Variants in GLI2 observed in about 807,000 individuals in gnomAD.
GLI2 encodes the protein transcription activator GLI2.
A neutral mutation model predicts 78.9 loss-of-function variants in GLI2; 22 were observed. That is an observed-to-expected ratio of 0.28 (90% CI 0.20 to 0.40). The LOEUF is 0.40. GLI2 is among the 10% of genes least tolerant of loss of function. The pLI, the probability that GLI2 is intolerant of heterozygous loss-of-function variation, is 1.00. For missense variants in GLI2, 2,097 were observed against 2,213.2 expected (o/e 0.95, Z 1.05); for synonymous variants, 974 against 963.7 (o/e 1.01, Z -0.20).
In GLI2 at chr2:120,984,726, A is replaced by G; in HGVS notation, c.1888A>G (p.Lys630Glu). ...GGACTGCCTGCACGTCAGAGCCATC[A>G]AGACCGAGAGCTCCGGGGTAAGCGG... ...VEDCLHVRAI[K>E]TESSGLCQSS... Residue 630 changes from lysine to glutamate, a missense_variant, in exon 12 of 14, where the codon AAG becomes GAG. Coordinates refer to ENST00000361492, the MANE Select transcript of GLI2 (RefSeq NM_001374353.1). The G allele has an allele frequency of 1.2e-6, 2 of 1,612,964 alleles. No individual in the cohort carries two copies. Among genetic ancestry groups the G allele is most frequent in the Non-Finnish European group, 1.7e-6 (2 of 1,179,870 alleles).
chr2:120,815,625 T>G (rs955523825), intron 2 of GLI2, among the ~76,000 whole-genome samples: 3 of 152,224 alleles, frequency 2.0e-5, no homozygotes, highest in Non-Finnish European at 4.4e-5. Flanking sequence ...CGGTGCTCCC[T>G]GCTTCCAGAG....
intron 2 of GLI2, among the ~76,000 whole-genome samples, chr2:120,887,787 C>T (rs1677484622): frequency 6.6e-6 from 1 of 152,228 alleles, no homozygotes; most frequent in African/African-American, 2.4e-5. Flanking sequence ...GACTGCTCAG[C>T]ACACTCTTAA....
At chr2:120,969,935 GT>G (rs1212868726) in intron 6 of GLI2, among the ~76,000 whole-genome samples, 1 of 152,222 alleles carries the variant, frequency 6.6e-6, no homozygotes, top group African/African-American at 2.4e-5. Flanking sequence ...TCTTATGCAA[GT>G]GGTGTGACAG....
chr2:120,988,864 G>C lies in GLI2; in HGVS notation c.2899G>C (p.Val967Leu). The change falls in exon 14 of 14, where the codon GTG becomes CTG. Residue 967 changes from valine to leucine, a missense_variant. Physicochemically the swap from Val to Leu is conservative, Grantham distance 32 (BLOSUM62 1). This residue lies in a region of GLI2 where 1,290 missense variants were observed against 1,261.7 expected (regional missense o/e 1.02). Coordinates refer to ENST00000361492, the MANE Select transcript of GLI2 (RefSeq NM_001374353.1). The stretch of plus-strand genomic sequence containing the variant: ...GCCCGATGCCCTGTCCCTGCCGCGG[G>C]TGCAGCGCTTCCACAGCACCCACAA... The part of the protein sequence containing the change: ...RRPDALSLPR[V>L]QRFHSTHNVN... 6.7e-7 allele frequency: 1 copy of C among 1,497,084 alleles called. No individual in the cohort carries two copies. Among genetic ancestry groups the C allele is most frequent in the East Asian group, 2.7e-5 (1 of 36,616 alleles). 92.7% of individuals were successfully genotyped at this position (1,497,084 alleles called of 1,614,324 possible). A position where few individuals can be genotyped will look rare whatever the true frequency, so the allele number is the denominator to read the frequency against.
intron 2 of GLI2, among the ~76,000 whole-genome samples, chr2:120,884,753 C>G (rs187311995): frequency 6.6e-6 from 1 of 152,172 alleles, no homozygotes; most frequent in Non-Finnish European, 1.5e-5. Flanking sequence ...GTGGGCAGCA[C>G]GGAGCCAGCA....
intron 2 of GLI2, among the ~76,000 whole-genome samples, chr2:120,921,309 G>A (rs966184209): frequency 2.0e-5 from 3 of 152,108 alleles, no homozygotes; most frequent in Non-Finnish European, 2.9e-5. Flanking sequence ...TGGGCTCAGA[G>A]GATTGGGGCT....
intron 1 of GLI2, 80 bp from the exon 2 acceptor site, chr2:120,797,211 G>A: frequency 9.8e-7 from 1 of 1,024,826 alleles, no homozygotes; most frequent in East Asian, 2.4e-5. Flanking sequence ...TTAGGAGCGA[G>A]CGGCGGTGTG....
In GLI2 at chr2:120,984,716, C is replaced by G; in HGVS notation, c.1878C>G (p.Val626=). The change falls in exon 12 of 14, where the codon GTC becomes GTG. Residue 626 remains valine, a synonymous_variant. Transcript: ENST00000361492. ...AGGCCGTGGAGGACTGCCTGCACGT[C>G]AGAGCCATCAAGACCGAGAGCTCCG... is the stretch of plus-strand genomic sequence containing the variant. ...TSQAVEDCLH[V]RAIKTESSGL... The G allele has an allele frequency of 6.2e-7, 1 of 1,613,276 alleles. No individual in the cohort carries two copies. The highest frequency in any genetic ancestry group is 8.5e-7 in the Non-Finnish European group (1 of 1,179,916).
At chr2:120,770,924 C>T (rs767417817) in intron 1 of GLI2, among the ~76,000 whole-genome samples, 2 of 152,198 alleles carry the variant, frequency 1.3e-5, no homozygotes, top group Non-Finnish European at 2.9e-5. Flanking sequence ...TCCCACCTGC[C>T]GAGCCTGAGT....
chr2:120,940,494 C>T (rs1680401310), intron 3 of GLI2, among the ~76,000 whole-genome samples: 1 of 152,158 alleles, frequency 6.6e-6, no homozygotes, highest in African/African-American at 2.4e-5. Context: ...TCAGATGCCA[C>T]CTCCTGCAGG....
intron 3 of GLI2, among the ~76,000 whole-genome samples, chr2:120,933,655 C>T (rs964508958): frequency 7.9e-5 from 12 of 152,152 alleles, no homozygotes; most frequent in South Asian, 2.1e-4. Context: ...TGAGGTGTGG[C>T]GAGGAAGGGT....
chr2:120,797,563 G>A (rs1055784250), intron 2 of GLI2, 95 bp downstream of exon 2: 4 of 1,240,926 alleles, frequency 3.2e-6, no homozygotes, highest in Admixed American at 3.7e-5. Context: ...CGTCAGGGAG[G>A]CATGCTGGGT....
At chr2:120,851,292 A>C (rs1297581878) in intron 2 of GLI2, among the ~76,000 whole-genome samples, 1 of 152,248 alleles carries the variant, frequency 6.6e-6, no homozygotes, top group African/African-American at 2.4e-5. Flanking sequence ...AAGGGAGGTC[A>C]TGATGGCTAG....
In GLI2 at chr2:120,989,486, T is replaced by A; in HGVS notation, c.3521T>A (p.Leu1174Gln). The A allele has an allele frequency of 6.2e-7, 1 of 1,612,634 alleles. No individual in the cohort carries two copies. Among genetic ancestry groups the A allele is most frequent in the Admixed American group, 1.7e-5 (1 of 60,006 alleles). The stretch of plus-strand genomic sequence containing the variant: ...TACCCGGGCTACAGTCCGCAAGGCC[T>A]ACAGGCTAGCCCTGGGGGCCTGGAC... Reference protein sequence around the residue: ...GQYPGYSPQGLQASPGGLDST... With the variant: ...GQYPGYSPQGQQASPGGLDST... Residue 1174 changes from leucine to glutamine, a missense_variant, in exon 14 of 14, where the codon CTA (leucine) becomes CAA (glutamine). Coordinates refer to ENST00000361492, the MANE Select transcript of GLI2 (RefSeq NM_001374353.1).
At chr2:120,842,593 A>T (rs1686939464) in intron 2 of GLI2, among the ~76,000 whole-genome samples, 1 of 152,212 alleles carries the variant, frequency 6.6e-6, no homozygotes, top group African/African-American at 2.4e-5. Context: ...GGGATGCAGG[A>T]TGTAGCTTAC....
At chr2:120,795,333 C>T (rs1235140650) in intron 1 of GLI2, among the ~76,000 whole-genome samples, 1 of 151,950 alleles carries the variant, frequency 6.6e-6, no homozygotes, top group Non-Finnish European at 1.5e-5. Flanking sequence ...ACCAGCCTGG[C>T]CAACATAGTG....
chr2:120,876,272 A>C (rs977946438), intron 2 of GLI2, among the ~76,000 whole-genome samples: 8 of 152,154 alleles, frequency 5.3e-5, no homozygotes, highest in Non-Finnish European at 8.8e-5. Flanking sequence ...AACCCAGGCC[A>C]CGGAGCTTGC....
intron 1 of GLI2, among the ~76,000 whole-genome samples, chr2:120,776,566 G>A (rs1251196280): frequency 6.6e-6 from 1 of 152,160 alleles, no homozygotes; most frequent in East Asian, 1.9e-4. Context: ...TTGGTTGGGG[G>A]CATCACAGTG....
chr2:120,816,062 C>T (rs1333621691), intron 2 of GLI2, among the ~76,000 whole-genome samples: 1 of 152,208 alleles, frequency 6.6e-6, no homozygotes, highest in East Asian at 1.9e-4. Context: ...TGGCTCCAAC[C>T]CTCTTTGCCC....
Sources: allele counts gnomAD v4.1 joint callset (sites outside exome capture counted in the v4.1 genomes callset), GRCh38; gene constraint gnomAD v4.1.1; regional missense constraint gnomAD v4.1.1; transcripts MANE v1.5; gene names NCBI Gene and HGNC (gene_info 2026-07-23, HGNC 2026-07-21).